Variants in PTPRK observed in about 807,000 individuals in gnomAD.
The protein encoded by PTPRK is protein tyrosine phosphatase receptor type K, also known as receptor-type tyrosine-protein phosphatase kappa.
A neutral mutation model predicts 178.0 loss-of-function variants in PTPRK; 75 were observed. The ratio of observed to expected loss-of-function variants is 0.42; its 90% CI spans 0.35 to 0.51. PTPRK has a LOEUF of 0.51. Among genes scored for constraint, PTPRK ranks in the 20% least tolerant of loss-of-function variants. The pLI is 0.02. For missense variants in PTPRK, 1,441 were observed against 1,797.8 expected (o/e 0.80, Z 3.59); for synonymous variants, 637 against 620.6 (o/e 1.03, Z -0.39).
intron 6 of PTPRK, among the ~76,000 whole-genome samples, chr6:128,201,989 T>C (rs1396020806): frequency 6.6e-6 from 1 of 152,120 alleles, no homozygotes; most frequent in Non-Finnish European, 1.5e-5. Context: ...AATAATCTTA[T>C]TAGTTGGAGT....
intron 3 of PTPRK, among the ~76,000 whole-genome samples, chr6:128,243,488 T>TAAAAAAAAAAAAAAAAAAAAAAAA (rs760606919): frequency 3.4e-5 from 2 of 59,138 alleles, no homozygotes; most frequent in African/African-American, 5.2e-5. Flanking sequence ...AGCCTGTCGC[T>TAAAAAAAAAAAAAAAAAAAAAAAA]AAAAAAAAAA....
chr6:128,514,183 A>G (rs1857584284), intron 1 of PTPRK, among the ~76,000 whole-genome samples: 1 of 152,214 alleles, frequency 6.6e-6, no homozygotes, highest in South Asian at 2.1e-4. Context: ...ACAGTATAGT[A>G]TAGTATACAG....
chr6:128,196,307 G>A (rs955550627), intron 6 of PTPRK, among the ~76,000 whole-genome samples: 2 of 151,924 alleles, frequency 1.3e-5, no homozygotes, highest in African/African-American at 4.8e-5. Flanking sequence ...AATAATCAAA[G>A]TGCTATCAAA....
chr6:128,242,672 C>T, intron 3 of PTPRK, 70 bp from the exon 4 acceptor site: 1 of 1,552,552 alleles, frequency 6.4e-7, no homozygotes, highest in Non-Finnish European at 8.6e-7. Flanking sequence ...AGGGGAATAG[C>T]TAAATATATG....
At chr6:128,146,409 T>C (rs1227940825) in intron 7 of PTPRK, among the ~76,000 whole-genome samples, 2 of 150,396 alleles carry the variant, frequency 1.3e-5, no homozygotes, top group South Asian at 2.1e-4. Context: ...TGTGTGTTTA[T>C]GTGTGTGTGT....
At chr6:128,174,318 G>T (rs1418962665) in intron 7 of PTPRK, among the ~76,000 whole-genome samples, 2 of 151,864 alleles carry the variant, frequency 1.3e-5, no homozygotes, top group African/African-American at 4.8e-5. Flanking sequence ...GAAGGAGTGG[G>T]GAGGGAAAAG....
chr6:128,358,181 C>T (rs1834207440), intron 2 of PTPRK, among the ~76,000 whole-genome samples: 1 of 152,212 alleles, frequency 6.6e-6, no homozygotes, highest in African/African-American at 2.4e-5. Flanking sequence ...TTATGATAAA[C>T]CAGAGACCCA....
chr6:128,286,098 T>G (rs188231023), intron 3 of PTPRK, among the ~76,000 whole-genome samples: 7 of 152,212 alleles, frequency 4.6e-5, no homozygotes, highest in Admixed American at 3.9e-4. Flanking sequence ...GCCTCTATTA[T>G]GCACCCTCCC....
chr6:128,115,940 T>G (rs533294601), intron 7 of PTPRK, among the ~76,000 whole-genome samples: 1 of 152,096 alleles, frequency 6.6e-6, no homozygotes, highest in South Asian at 2.1e-4. Context: ...CAGAGCGGTA[T>G]ACATTCACAA....
intron 7 of PTPRK, among the ~76,000 whole-genome samples, chr6:128,124,156 G>T (rs1792948233): frequency 6.6e-6 from 1 of 151,328 alleles, no homozygotes; most frequent in South Asian, 2.1e-4. Context: ...CAATGCTCCT[G>T]TGTCAGCTTC....
intron 11 of PTPRK, among the ~76,000 whole-genome samples, chr6:128,071,481 G>A (rs1022525921): frequency 6.6e-6 from 1 of 151,952 alleles, no homozygotes; most frequent in African/African-American, 2.4e-5. Context: ...ACACCTGTCT[G>A]CTGTACTGCT....
At chr6:128,461,809 C>T (rs1377959741) in intron 1 of PTPRK, among the ~76,000 whole-genome samples, 1 of 152,162 alleles carries the variant, frequency 6.6e-6, no homozygotes, top group Non-Finnish European at 1.5e-5. Context: ...TGCAGATTTA[C>T]CTGTTCTACA....
At chr6:128,089,566 T>C (rs1786563389) in intron 8 of PTPRK, 124 bp downstream of exon 8, 12 of 1,069,806 alleles carry the variant, frequency 1.1e-5, no homozygotes, top group Non-Finnish European at 1.5e-5. Context: ...GTTAATCTCA[T>C]TAATAACATT....
chr6:128,146,422 TTATGTG>T (rs1796497015), intron 7 of PTPRK, among the ~76,000 whole-genome samples: 1 of 144,390 alleles, frequency 6.9e-6, no homozygotes, highest in Non-Finnish European at 1.5e-5. Context: ...GTGTGTGTGT[TTATGTG>T]TGTGTGTGTG....
intron 1 of PTPRK, among the ~76,000 whole-genome samples, chr6:128,488,432 A>C (rs1853282603): frequency 6.6e-6 from 1 of 152,182 alleles, no homozygotes; most frequent in Admixed American, 6.5e-5. Context: ...AATCCGATCA[A>C]GTTGCCACTA....
intron 6 of PTPRK, among the ~76,000 whole-genome samples, chr6:128,187,250 G>A (rs571511193): frequency 1.1e-4 from 16 of 152,008 alleles, no homozygotes; most frequent in African/African-American, 3.1e-4. Context: ...TAGCCATACC[G>A]CAACATAAGA....
chr6:128,497,148 T>G (rs879369810), intron 1 of PTPRK, among the ~76,000 whole-genome samples: 4 of 152,196 alleles, frequency 2.6e-5, no homozygotes, highest in Admixed American at 2.6e-4. Flanking sequence ...TACCAGCAAG[T>G]GTTCACATTA....
intron 6 of PTPRK, among the ~76,000 whole-genome samples, chr6:128,207,791 A>G (rs1395210263): frequency 6.6e-6 from 1 of 152,186 alleles, no homozygotes; most frequent in East Asian, 1.9e-4. Flanking sequence ...CTTCCTTTAA[A>G]TTAAGTATCT....
intron 2 of PTPRK, among the ~76,000 whole-genome samples, chr6:128,384,404 A>C (rs2128358974): frequency 6.6e-6 from 1 of 152,248 alleles, no homozygotes; most frequent in Non-Finnish European, 1.5e-5. Context: ...TTCCTGAGAA[A>C]GTATTTTTAC....
Sources: allele counts gnomAD v4.1 joint callset (sites outside exome capture counted in the v4.1 genomes callset), GRCh38; gene constraint gnomAD v4.1.1; transcripts MANE v1.5; gene names NCBI Gene and HGNC (gene_info 2026-07-23, HGNC 2026-07-21).